GPR158: variants seen among roughly 807,000 people sequenced by gnomAD.
The protein encoded by GPR158 is metabotropic glycine receptor.
A neutral mutation model predicts 78.2 loss-of-function variants in GPR158; 30 were observed. The observed-to-expected ratio is 0.38, with a 90% confidence interval of 0.29 to 0.52. The LOEUF (loss-of-function observed/expected upper bound fraction) is 0.52. Among genes scored for constraint, GPR158 ranks in the 20% least tolerant of loss-of-function variants. The pLI is 0.83. For synonymous variants in GPR158, 581 were observed against 591.1 expected (o/e 0.98, Z 0.25); for missense variants, 1,463 against 1,523.5 (o/e 0.96, Z 0.66).
At chr10:25,289,621 A>G (rs1052976508) in intron 2 of GPR158, among the ~76,000 whole-genome samples, 7 of 151,784 alleles carry the variant, frequency 4.6e-5, no homozygotes, top group African/African-American at 1.7e-4. Context: ...TTTAGTAGAG[A>G]TGGAGTTTCA....
chr10:25,371,842 C>G (rs1216100814), intron 2 of GPR158, among the ~76,000 whole-genome samples: 2 of 129,616 alleles, frequency 1.5e-5, no homozygotes, highest in Non-Finnish European at 3.3e-5. Flanking sequence ...CAACAAAAGC[C>G]AAAATTGACA....
chr10:25,504,447 C>T (rs1307933962), intron 5 of GPR158, among the ~76,000 whole-genome samples: 1 of 152,168 alleles, frequency 6.6e-6, no homozygotes, highest in Non-Finnish European at 1.5e-5. Flanking sequence ...ATCTCTTAGC[C>T]TTGTTTGGTT....
At chr10:25,365,414 T>G (rs1431025620) in intron 2 of GPR158, among the ~76,000 whole-genome samples, 2 of 151,768 alleles carry the variant, frequency 1.3e-5, no homozygotes, top group Non-Finnish European at 3.0e-5. Flanking sequence ...CTTGATTTGC[T>G]AATTAGTATT....
intron 2 of GPR158, among the ~76,000 whole-genome samples, chr10:25,307,039 AGG>A (rs71281587): frequency 5.9e-4 from 88 of 148,454 alleles, no homozygotes; most frequent in African/African-American, 2.1e-3. Flanking sequence ...AGAGAGAGAG[AGG>A]GAAAGAGAGA....
intron 1 of GPR158, among the ~76,000 whole-genome samples, chr10:25,182,960 G>C (rs1852631338): frequency 6.6e-6 from 1 of 152,182 alleles, no homozygotes; most frequent in Admixed American, 6.5e-5. Flanking sequence ...CAGTTCACTA[G>C]TACTGGGGCT....
At chr10:25,302,061 T>C (rs1307000274) in intron 2 of GPR158, among the ~76,000 whole-genome samples, 5 of 147,918 alleles carry the variant, frequency 3.4e-5, no homozygotes, top group South Asian at 4.3e-4. Context: ...TATCAGTAAT[T>C]TGTTCCTTTT....
chr10:25,328,761 T>A (rs1855071930), intron 2 of GPR158, among the ~76,000 whole-genome samples: 14 of 151,742 alleles, frequency 9.2e-5, no homozygotes, highest in Admixed American at 8.5e-4. Context: ...ACCCCGTCTG[T>A]ACTAAAAATA....
chr10:25,562,727 T>G (rs1836875147), intron 6 of GPR158, among the ~76,000 whole-genome samples: 2 of 152,318 alleles, frequency 1.3e-5, no homozygotes, highest in East Asian at 3.9e-4. Context: ...CACGTGCACT[T>G]GACAAGAACG....
intron 1 of GPR158, among the ~76,000 whole-genome samples, chr10:25,192,675 A>G (rs1852788126): frequency 6.6e-6 from 1 of 152,216 alleles, no homozygotes; most frequent in African/African-American, 2.4e-5. Flanking sequence ...TTTAAAAGTT[A>G]TAATGTATTG....
At chr10:25,451,254 C>T (rs1421006076) in intron 4 of GPR158, among the ~76,000 whole-genome samples, 1 of 152,150 alleles carries the variant, frequency 6.6e-6, no homozygotes, top group Admixed American at 6.5e-5. Flanking sequence ...AAGTTGCCTA[C>T]CCAAAGGATT....
intron 5 of GPR158, among the ~76,000 whole-genome samples, chr10:25,501,278 G>A (rs547344131): frequency 1.6e-4 from 24 of 152,256 alleles, no homozygotes; most frequent in African/African-American, 4.8e-4. Context: ...GGGGCATGGC[G>A]TCCTTCTACT....
rs776684937 is a variant in GPR158 at position 25,598,310 on chromosome 10, G to A, written c.2684G>A (p.Arg895Gln). Residue 895 changes from arginine (R) to glutamine (Q), a missense_variant, in exon 11 of 11, where the codon CGA (arginine) becomes CAA (glutamine). Arg to Gln is a conservative substitution (Grantham distance 43). Coordinates refer to ENST00000376351, the MANE Select transcript of GPR158 (RefSeq NM_020752.3). Reference protein sequence around the residue: ...LSSEKKTGHPRTSMLQKSLSV... With the variant: ...LSSEKKTGHPQTSMLQKSLSV... ...TCAGAGAAGAAAACTGGGCACCCAC[G>A]AACATCGATGTTACAGAAGTCTCTC... 4 of 1,614,054 alleles carry A rather than the reference G, an allele frequency of 2.5e-6. No homozygotes were observed. Among genetic ancestry groups the A allele is most frequent in the South Asian group, 2.2e-5 (2 of 91,060 alleles).
At chr10:25,305,886 AT>A (rs1854669898) in intron 2 of GPR158, among the ~76,000 whole-genome samples, 1 of 152,100 alleles carries the variant, frequency 6.6e-6, no homozygotes. Flanking sequence ...TTGTATCCTT[AT>A]TTTTGGTTTA....
At chr10:25,296,109 G>C (rs1385756976) in intron 2 of GPR158, among the ~76,000 whole-genome samples, 1 of 150,610 alleles carries the variant, frequency 6.6e-6, no homozygotes, top group Non-Finnish European at 1.5e-5. Flanking sequence ...ACGTGCTTCA[G>C]CCTGGTTGCA....
At chr10:25,358,660 A>C (rs1412830790) in intron 2 of GPR158, among the ~76,000 whole-genome samples, 2 of 152,110 alleles carry the variant, frequency 1.3e-5, no homozygotes, top group African/African-American at 4.8e-5. Flanking sequence ...CTGTAAGTCC[A>C]GTAAACATCT....
intron 2 of GPR158, among the ~76,000 whole-genome samples, chr10:25,271,645 T>C (rs568728066): frequency 6.6e-6 from 1 of 152,278 alleles, no homozygotes; most frequent in Non-Finnish European, 1.5e-5. Context: ...TATATACAGT[T>C]CTATGCCAGC....
chr10:25,571,982 G>A (rs1837015365), intron 6 of GPR158, among the ~76,000 whole-genome samples: 1 of 151,952 alleles, frequency 6.6e-6, no homozygotes, highest in Admixed American at 6.6e-5. Context: ...ATGAAAGTAG[G>A]TAATATGAAA....
At chr10:25,513,496 T>C (rs1836114090) in intron 5 of GPR158, among the ~76,000 whole-genome samples, 1 of 151,516 alleles carries the variant, frequency 6.6e-6, no homozygotes, top group African/African-American at 2.4e-5. Context: ...CATTTATCTT[T>C]TTTTTTTTGG....
intron 2 of GPR158, among the ~76,000 whole-genome samples, chr10:25,317,736 G>GT (rs1366329507): frequency 6.3e-5 from 8 of 127,910 alleles, no homozygotes; most frequent in South Asian, 2.6e-4. Context: ...GTTTTGTTTT[G>GT]TTTTGTTTTT....
Sources: allele counts gnomAD v4.1 joint callset (sites outside exome capture counted in the v4.1 genomes callset), GRCh38; gene constraint gnomAD v4.1.1; transcripts MANE v1.5; gene names NCBI Gene and HGNC (gene_info 2026-07-23, HGNC 2026-07-21).